PPP2R2C: variants seen among roughly 807,000 people sequenced by gnomAD.
PPP2R2C encodes protein phosphatase 2 regulatory subunit Bgamma, also known as protein phosphatase 2, regulatory subunit B, gamma.
In PPP2R2C, 10 loss-of-function variants were observed where a neutral mutation model predicts 45.3. The observed-to-expected ratio is 0.22, with a 90% CI of 0.14 to 0.37. PPP2R2C has a LOEUF of 0.37. Ranked by LOEUF, PPP2R2C falls within the 10% of genes least tolerant of loss-of-function variation. PPP2R2C has a pLI of 1.00. For missense variants in PPP2R2C, 308 were observed against 619.7 expected, an observed-to-expected ratio of 0.50 and a Z score of 5.34; for synonymous variants, 257 against 245.4, an observed-to-expected ratio of 1.05 and a Z score of -0.44.
chr4:6,381,709 T>G, intron 1 of PPP2R2C: 1 of 1,567,080 alleles, frequency 6.4e-7, no homozygotes, highest in Non-Finnish European at 8.6e-7. Context: ...TGACCCTCCC[T>G]GCACTTCATC....
At chr4:6,512,801 C>T (rs1723710811) in intron 2 of PPP2R2C, among the ~76,000 whole-genome samples, 1 of 151,766 alleles carries the variant, frequency 6.6e-6, no homozygotes, top group African/African-American at 2.4e-5. Context: ...ATAACAGTGT[C>T]CAGGGTGGCA....
intron 1 of PPP2R2C, among the ~76,000 whole-genome samples, chr4:6,450,260 C>T (rs1720668236): frequency 6.6e-6 from 1 of 152,076 alleles, no homozygotes; most frequent in African/African-American, 2.4e-5. Context: ...AGGTGGTGGT[C>T]GAGATACAGG....
chr4:6,556,412 C>T (rs1255497330), intron 1 of PPP2R2C, among the ~76,000 whole-genome samples: 1 of 152,200 alleles, frequency 6.6e-6, no homozygotes, highest in Non-Finnish European at 1.5e-5. Flanking sequence ...CTTCCTGGTT[C>T]TCAAACCTTC....
At chr4:6,560,566 A>T (rs900811123) in intron 1 of PPP2R2C, among the ~76,000 whole-genome samples, 1 of 152,164 alleles carries the variant, frequency 6.6e-6, no homozygotes. Flanking sequence ...AAAGCAGCTC[A>T]TACCTAGGAA....
intron 6 of PPP2R2C, among the ~76,000 whole-genome samples, chr4:6,338,598 G>A: frequency 6.6e-6 from 1 of 152,130 alleles, no homozygotes; most frequent in Admixed American, 6.5e-5. Context: ...AGTGCCCACA[G>A]GATCAAGGTT....
chr4:6,357,956 T>A (rs1048697947), intron 5 of PPP2R2C, among the ~76,000 whole-genome samples: 1 of 152,208 alleles, frequency 6.6e-6, no homozygotes, highest in Admixed American at 6.5e-5. Context: ...AAGCTACTAA[T>A]GACTTTCTTC....
At chr4:6,401,630 C>T (rs1449351040) in intron 1 of PPP2R2C, among the ~76,000 whole-genome samples, 1 of 152,142 alleles carries the variant, frequency 6.6e-6, no homozygotes, top group African/African-American at 2.4e-5. Flanking sequence ...GCTCCACCCT[C>T]CTCTGTGTGA....
intron 1 of PPP2R2C, among the ~76,000 whole-genome samples, chr4:6,394,131 A>G (rs1336535842): frequency 1.7e-4 from 26 of 152,150 alleles, no homozygotes; most frequent in Admixed American, 1.7e-3. Context: ...ACAGGACCAG[A>G]ATTGCTGGGG....
At chr4:6,553,992 G>T (rs1303303596) in intron 1 of PPP2R2C, among the ~76,000 whole-genome samples, 2 of 152,118 alleles carry the variant, frequency 1.3e-5, no homozygotes, top group Admixed American at 1.3e-4. Context: ...TGGGGCACCA[G>T]GACCCCCAAA....
rs545343667 is a variant in PPP2R2C, at chr4:6,461,936, C to A, written c.70+10224G>T. Among the ~76,000 whole-genome samples the A allele has an allele frequency of 2.3e-3, 343 of 152,320 alleles. 2 individuals carry two copies. The highest frequency in any genetic ancestry group is 7.7e-3 in the African/African-American group (321 of 41,576). ...CCACAGGCACCAGGCCCACGGAGCACGTGGCATGCACCATCTCATTCAACA... is the reference window on the plus strand; with the variant it reads ...CCACAGGCACCAGGCCCACGGAGCAAGTGGCATGCACCATCTCATTCAACA... On this transcript the variant is annotated intron_variant, in intron 1 of 8. Transcript: ENST00000382599.
At chr4:6,434,372 TTTTG>T (rs1215796219) in intron 1 of PPP2R2C, among the ~76,000 whole-genome samples, 2 of 143,494 alleles carry the variant, frequency 1.4e-5, no homozygotes, top group African/African-American at 5.1e-5. Flanking sequence ...TTTTTTTTTT[TTTTG>T]GAGACAGAGT....
At chr4:6,420,841 G>T in intron 1 of PPP2R2C, 1 of 732,666 alleles carries the variant, frequency 1.4e-6, no homozygotes, top group African/African-American at 1.9e-5. Flanking sequence ...GGACATGCCA[G>T]TGCCCAGGTC....
intron 1 of PPP2R2C, among the ~76,000 whole-genome samples, chr4:6,440,615 C>A (rs751629268): frequency 5.3e-5 from 8 of 152,238 alleles, no homozygotes; most frequent in Non-Finnish European, 1.2e-4. Flanking sequence ...AGATGATGGA[C>A]CCTGGCAGCC....
At position 6,353,273 on chromosome 4, in the gene PPP2R2C, G is replaced by A. The variant is rs142952992; in HGVS notation, c.626-5263C>T. ...CAGCCACCGACAGCCCCCCAACACC[G>A]ACAGTCCCCCCACACCGACAGCCCC... On this transcript the variant is annotated intron_variant, in intron 5 of 8. Transcript: ENST00000382599. 7.0e-3 allele frequency among the ~76,000 whole-genome samples: 716 copies of A among 101,774 alleles called. 37 individuals are homozygous for A. The highest frequency in any genetic ancestry group is 0.069 in the Admixed American group (616 of 8,910). The allele number at this position is 101,774 out of a possible 152,430, so 66.8% of individuals were successfully genotyped here. A position where few individuals can be genotyped will look rare whatever the true frequency, so the allele number is the denominator to read the frequency against.
At position 6,472,406 on chromosome 4, in the gene PPP2R2C, GCCGC is replaced by G; in HGVS notation, c.-181_-178del. 2 of 867,580 alleles carry G rather than the reference GCCGC, an allele frequency of 2.3e-6. No homozygotes were observed. The highest frequency in any genetic ancestry group is 2.8e-6 in the Non-Finnish European group (2 of 724,186). The allele number at this position is 867,580 out of a possible 1,614,324, so 53.7% of individuals were successfully genotyped here. On this transcript the variant is annotated 5_prime_UTR_variant, in exon 1 of 9. Coordinates refer to ENST00000382599, the MANE Select transcript of PPP2R2C (RefSeq NM_020416.4). ...CGGGCGGGGGCGGCCGGGGGCGGGC[GCCGC>G]GGTCAAGCGAGCGCGCGGTGGGCGG...
intron 2 of PPP2R2C, among the ~76,000 whole-genome samples, chr4:6,481,915 G>A (rs559560937): frequency 4.1e-5 from 6 of 147,188 alleles, no homozygotes; most frequent in Non-Finnish European, 5.9e-5. Flanking sequence ...GGAGGCAGAG[G>A]CTGCAGTGAG....
chr4:6,446,947 G>A (rs557364769), intron 1 of PPP2R2C, among the ~76,000 whole-genome samples: 7 of 152,070 alleles, frequency 4.6e-5, no homozygotes, highest in African/African-American at 1.4e-4. Context: ...CAACAGAGGC[G>A]AAGGGGTGCT....
At chr4:6,394,726 T>C (rs1716901567) in intron 1 of PPP2R2C, among the ~76,000 whole-genome samples, 1 of 152,192 alleles carries the variant, frequency 6.6e-6, no homozygotes. Flanking sequence ...GCTTCTGTGC[T>C]CCCAGCACCT....
intron 2 of PPP2R2C, among the ~76,000 whole-genome samples, chr4:6,496,486 C>A (rs1253864109): frequency 6.6e-6 from 1 of 152,128 alleles, no homozygotes; most frequent in Non-Finnish European, 1.5e-5. Flanking sequence ...GAGGGAAGGG[C>A]CATGTTAGGG....
Sources: allele counts gnomAD v4.1 joint callset (sites outside exome capture counted in the v4.1 genomes callset), GRCh38; gene constraint gnomAD v4.1.1; transcripts MANE v1.5; gene names NCBI Gene and HGNC (gene_info 2026-07-23, HGNC 2026-07-21).